UCK1: variants seen among roughly 807,000 people sequenced by gnomAD.
The protein encoded by UCK1 is cytidine monophosphokinase 1.
In UCK1, 20 loss-of-function variants were observed where a neutral mutation model predicts 34.0. The ratio of observed to expected loss-of-function variants is 0.59; its 90% CI spans 0.41 to 0.86. The LOEUF (loss-of-function observed/expected upper bound fraction) is 0.86, where lower values mean the gene tolerates loss of function less well. UCK1 is among the 40% of genes least tolerant of loss of function. The pLI is 0.00. For missense variants in UCK1, 343 were observed against 383.6 expected (o/e 0.89, Z 0.88); for synonymous variants, 168 against 155.9 (o/e 1.08, Z -0.58).
At chr9:131,529,439 C>A in intron 3 of UCK1, 49 bp downstream of exon 3, 1 of 1,609,862 alleles carries the variant, frequency 6.2e-7, no homozygotes, top group Non-Finnish European at 8.5e-7. Flanking sequence ...CCCGAGGGGA[C>A]GTCCTAGCTG....
chr9:131,528,038 G>C (rs1950673867), intron 5 of UCK1, among the ~76,000 whole-genome samples: 1 of 152,202 alleles, frequency 6.6e-6, no homozygotes, highest in Non-Finnish European at 1.5e-5. Context: ...GCTGGGTGTG[G>C]TGGCGTACGC....
chr9:131,524,539 G>C lies in UCK1; in HGVS notation c.*501C>G, dbSNP rs1588524918. 8.2e-6 allele frequency: 1 copy of C among 121,280 alleles called. No individual in the cohort carries two copies. The highest frequency in any genetic ancestry group is 1.9e-4 in the East Asian group (1 of 5,192). 7.5% of individuals were successfully genotyped at this position (121,280 alleles called of 1,614,324 possible). On this transcript the variant is annotated 3_prime_UTR_variant, in exon 7 of 7. Coordinates refer to ENST00000372215, the MANE Select transcript of UCK1 (RefSeq NM_031432.5). The stretch of plus-strand genomic sequence containing the variant: ...ACAACCAGCCTTGTGTTATGAAACA[G>C]AAAACAGAAAACATGAGGACATGTA...
At chr9:131,526,908 AC>A (rs1950628182) in intron 5 of UCK1, among the ~76,000 whole-genome samples, 1 of 152,138 alleles carries the variant, frequency 6.6e-6, no homozygotes, top group Admixed American at 6.5e-5. Flanking sequence ...AGGGGTCTTA[AC>A]CGCCAGCAGG....
intron 6 of UCK1, 75 bp downstream of exon 6, chr9:131,525,854 T>G: frequency 6.6e-7 from 1 of 1,524,440 alleles, no homozygotes; most frequent in Non-Finnish European, 9.0e-7. Flanking sequence ...GCTCAGTAAC[T>G]GCACACTGGT....
Position 131,528,148 on chromosome 9 carries a change from T to C in UCK1, c.603+796A>G, listed in dbSNP as rs1950680214. Among the ~76,000 whole-genome samples the C allele has an allele frequency of 8.3e-5, 12 of 144,608 alleles. No homozygotes were observed. In the Admixed American group the frequency reaches 8.6e-4, roughly 10 times the overall value. 94.9% of individuals were successfully genotyped at this position (144,608 alleles called of 152,430 possible). ...GAGATCGTGCCATTGCACTCCACCCTAGACGACAAAAAGAGACCCTATCTC... is the reference window on the plus strand; with the variant it reads ...GAGATCGTGCCATTGCACTCCACCCCAGACGACAAAAAGAGACCCTATCTC... On this transcript the variant is annotated intron_variant, in intron 5 of 6. Transcript: ENST00000372215.
chr9:131,529,412 A>C (rs1475884792), intron 3 of UCK1, 76 bp downstream of exon 3: 3 of 1,602,014 alleles, frequency 1.9e-6, no homozygotes, highest in Non-Finnish European at 2.6e-6. Flanking sequence ...GCCTGCCGCC[A>C]GGCAGGTCTG....
In UCK1 at chr9:131,529,115, G is replaced by C. The variant is rs771696889; in HGVS notation, c.508+13C>G. ...CTCGGCCAGGCAGGCACGGAGGCCC[G>C]CGGCCGCCTTACCTCTTCGAGACAG... On this transcript the variant is annotated intron_variant, in intron 4 of 6. Coordinates refer to ENST00000372215, the MANE Select transcript of UCK1 (RefSeq NM_031432.5). 1 of 1,613,364 alleles carries C rather than the reference G, an allele frequency of 6.2e-7. No homozygotes were observed.
chr9:131,526,681 G>A (rs1950617162), intron 5 of UCK1, among the ~76,000 whole-genome samples: 1 of 152,196 alleles, frequency 6.6e-6, no homozygotes, highest in Non-Finnish European at 1.5e-5. Flanking sequence ...GCCGAAGGAC[G>A]GAACTTGGAA....
chr9:131,530,743 G>A (rs1950807485), intron 1 of UCK1, 98 bp from the exon 2 acceptor site: 1 of 1,608,726 alleles, frequency 6.2e-7, no homozygotes, highest in Non-Finnish European at 8.5e-7. Context: ...CCCCCTGGGG[G>A]GTATGCTCGG....
chr9:131,525,341 G>T, intron 6 of UCK1, 120 bp from the exon 7 acceptor site: 1 of 1,238,074 alleles, frequency 8.1e-7, no homozygotes, highest in East Asian at 2.4e-5. Flanking sequence ...CACAGCCTGC[G>T]GCGAGGGGCA....
Position 131,529,195 on chromosome 9 carries a change from C to G in UCK1, c.441G>C (p.Glu147Asp). 1.2e-6 allele frequency: 2 copies of G among 1,614,184 alleles called. No individual in the cohort carries two copies. The highest frequency in any genetic ancestry group is 1.7e-6 in the Non-Finnish European group (2 of 1,180,036). Residue 147 changes from glutamate (E) to aspartate (D), a missense_variant, in exon 4 of 7, where the codon GAG becomes GAC. Physicochemically the swap from Glu to Asp is conservative, Grantham distance 45 (BLOSUM62 2). Coordinates refer to ENST00000372215, the MANE Select transcript of UCK1 (RefSeq NM_031432.5). ...FEGILVFYSQ[E>D]IRDMFHLRLF... ...GGCGCAGGTGGAACATGTCCCGGAT[C>G]TCCTGGCTGTAGAACACCAAGATGC...
In UCK1 at chr9:131,531,227, C is replaced by T. The variant is rs2131993910; in HGVS notation, c.-53G>A. The T allele has an allele frequency of 1.5e-6, 2 of 1,318,620 alleles. No homozygotes were observed. The highest frequency in any genetic ancestry group is 1.9e-6 in the Non-Finnish European group (2 of 1,032,162). 81.7% of individuals were successfully genotyped at this position (1,318,620 alleles called of 1,614,324 possible). A position where few individuals can be genotyped will look rare whatever the true frequency, so the allele number is the denominator to read the frequency against. On this transcript the variant is annotated 5_prime_UTR_variant, in exon 1 of 7. Coordinates refer to ENST00000372215, the MANE Select transcript of UCK1 (RefSeq NM_031432.5). ...CCCCGCGCCCGCCCCTTCCCCAGGCCCGGCGCGCCCGCCCAGCGCCGAGGT... is the reference window on the plus strand; with the variant it reads ...CCCCGCGCCCGCCCCTTCCCCAGGCTCGGCGCGCCCGCCCAGCGCCGAGGT...
intron 1 of UCK1, 36 bp from the exon 2 acceptor site, chr9:131,530,681 G>C (rs758235996): frequency 1.2e-6 from 2 of 1,614,178 alleles, no homozygotes; most frequent in Non-Finnish European, 8.5e-7. Context: ...GCCTGGAACC[G>C]CTCGTCCTGT....
chr9:131,531,182 T>A lies in UCK1; in HGVS notation c.-8A>T. On this transcript the variant is annotated 5_prime_UTR_variant, in exon 1 of 7. Coordinates refer to ENST00000372215, the MANE Select transcript of UCK1 (RefSeq NM_031432.5). ...GCCTCCCGCCGAAGCCATCTCGGCC[T>A]CCGCTCCCGCGCATCGGGTCCCCGC... is the stretch of plus-strand genomic sequence containing the variant. 2 of 1,399,988 alleles carry A rather than the reference T, an allele frequency of 1.4e-6. No homozygotes were observed. The highest frequency in any genetic ancestry group is 6.4e-5 in the East Asian group (2 of 31,296). The allele number at this position is 1,399,988 out of a possible 1,614,324, so 86.7% of individuals were successfully genotyped here. A position where few individuals can be genotyped will look rare whatever the true frequency, so the allele number is the denominator to read the frequency against.
At chr9:131,528,150 G>A (rs1950680337) in intron 5 of UCK1, among the ~76,000 whole-genome samples, 1 of 142,230 alleles carries the variant, frequency 7.0e-6, no homozygotes, top group South Asian at 2.3e-4. Flanking sequence ...CTCCACCCTA[G>A]ACGACAAAAA....
chr9:131,530,869 G>A (rs1246174267), intron 1 of UCK1, among the ~76,000 whole-genome samples, 198 bp downstream of exon 1: 3 of 152,174 alleles, frequency 2.0e-5, no homozygotes, highest in African/African-American at 7.2e-5. Context: ...AGGCTGTGGG[G>A]GAGCCCCGAG....
intron 5 of UCK1, among the ~76,000 whole-genome samples, chr9:131,528,122 C>T (rs1281141096): frequency 2.0e-5 from 3 of 150,804 alleles, no homozygotes; most frequent in African/African-American, 4.9e-5. Context: ...TGGAGTGAGC[C>T]GAGATCGTGC....
chr9:131,530,701 G>C, intron 1 of UCK1, 56 bp from the exon 2 acceptor site: 3 of 1,613,996 alleles, frequency 1.9e-6, no homozygotes, highest in Non-Finnish European at 1.7e-6. Context: ...TGACAGGCAC[G>C]GGGCCGGCTT....
chr9:131,527,713 C>T (rs975666825), intron 5 of UCK1, among the ~76,000 whole-genome samples: 6 of 151,680 alleles, frequency 4.0e-5, no homozygotes, highest in African/African-American at 1.5e-4. Context: ...CCCATCTCTA[C>T]AAAAAATTTA....
Sources: allele counts gnomAD v4.1 joint callset (sites outside exome capture counted in the v4.1 genomes callset), GRCh38; gene constraint gnomAD v4.1.1; transcripts MANE v1.5; gene names NCBI Gene and HGNC (gene_info 2026-07-23, HGNC 2026-07-21).